Variants in NAALADL2 observed in about 807,000 individuals in gnomAD.
NAALADL2 encodes inactive N-acetylated-alpha-linked acidic dipeptidase-like protein 2.
A neutral mutation model predicts 87.2 loss-of-function variants in NAALADL2; 76 were observed. That is an observed-to-expected ratio of 0.87 (90% CI 0.72 to 1.05). The LOEUF is 1.05. Among genes scored for constraint, NAALADL2 ranks in the 50% least tolerant of loss-of-function variants. NAALADL2 has a pLI of 0.00. For missense variants in NAALADL2, 1,089 were observed against 945.8 expected (o/e 1.15, Z -1.99); for synonymous variants, 354 against 331.0 (o/e 1.07, Z -0.75).
intron 4 of NAALADL2, among the ~76,000 whole-genome samples, chr3:175,266,287 A>G (rs1276896426): frequency 6.6e-6 from 1 of 151,332 alleles, no homozygotes; most frequent in African/African-American, 2.4e-5. Context: ...CTAATATTTA[A>G]ATTTAAACAT....
At chr3:174,648,624 CTAGAT>C in intron 2 of NAALADL2, among the ~76,000 whole-genome samples, 1 of 152,104 alleles carries the variant, frequency 6.6e-6, no homozygotes, top group East Asian at 1.9e-4. Context: ...TAGAATAATA[CTAGAT>C]TAAACATTTA....
chr3:175,181,056 A>C (rs1736389942), intron 2 of NAALADL2, among the ~76,000 whole-genome samples: 1 of 152,008 alleles, frequency 6.6e-6, no homozygotes, highest in African/African-American at 2.4e-5. Flanking sequence ...ACTGTGTTTC[A>C]TACCTATGAC....
intron 2 of NAALADL2, among the ~76,000 whole-genome samples, chr3:174,566,693 C>T (rs946057930): frequency 2.0e-5 from 3 of 151,214 alleles, no homozygotes; most frequent in Non-Finnish European, 4.4e-5. Flanking sequence ...TACTTAATTT[C>T]TTCACTCTGT....
intron 5 of NAALADL2, among the ~76,000 whole-genome samples, chr3:175,418,835 A>G (rs1715143737): frequency 6.6e-6 from 1 of 152,110 alleles, no homozygotes; most frequent in Non-Finnish European, 1.5e-5. Flanking sequence ...GTTCTGCTTC[A>G]GGCACTCAAA....
chr3:175,376,521 T>C (rs944439977), intron 5 of NAALADL2, among the ~76,000 whole-genome samples: 1 of 152,144 alleles, frequency 6.6e-6, no homozygotes, highest in African/African-American at 2.4e-5. Flanking sequence ...AAAGCAACTG[T>C]TTTATTCAGG....
chr3:175,515,198 C>A (rs549842315), intron 9 of NAALADL2, among the ~76,000 whole-genome samples: 99 of 152,246 alleles, frequency 6.5e-4, no homozygotes, highest in South Asian at 4.4e-3. Context: ...AATGTTGCAA[C>A]AACTTGTTCC....
chr3:175,026,354 TA>T (rs1187169711), intron 1 of NAALADL2, among the ~76,000 whole-genome samples: 3 of 151,644 alleles, frequency 2.0e-5, no homozygotes, highest in African/African-American at 7.3e-5. Flanking sequence ...AAAATATATC[TA>T]AAAAGTTCAG....
intron 3 of NAALADL2, among the ~76,000 whole-genome samples, chr3:174,830,629 G>GT (rs966487121): frequency 6.6e-6 from 1 of 151,878 alleles, no homozygotes; most frequent in Non-Finnish European, 1.5e-5. Context: ...CTTTAAAGTA[G>GT]TTTTTTCTGT....
At chr3:175,017,005 C>T (rs918298358) in intron 1 of NAALADL2, among the ~76,000 whole-genome samples, 16 of 151,180 alleles carry the variant, frequency 1.1e-4, no homozygotes, top group East Asian at 3.8e-4. Context: ...TCAAACACTA[C>T]GTCTCATTTC....
At chr3:174,854,840 T>C (rs548015108), upstream of NAALADL2, among the ~76,000 whole-genome samples, 2,602 of 144,064 alleles carry the variant, frequency 0.018, 38 homozygotes, top group Non-Finnish European at 0.03. Context: ...TTTTTCTTTT[T>C]TTTTTTTTTT....
At chr3:174,819,285 G>T (rs116615426) in intron 3 of NAALADL2, among the ~76,000 whole-genome samples, 13,411 of 151,488 alleles carry the variant, frequency 0.089, 672 homozygotes, top group Middle Eastern at 0.12. Context: ...GGCTGGTTTT[G>T]AACTCCTGAG....
At chr3:175,068,636 G>T (rs2077420798) in intron 1 of NAALADL2, among the ~76,000 whole-genome samples, 1 of 151,956 alleles carries the variant, frequency 6.6e-6, no homozygotes, top group South Asian at 2.1e-4. Flanking sequence ...AGTTCACTTG[G>T]GAATAAAGTG....
intron 2 of NAALADL2, among the ~76,000 whole-genome samples, chr3:175,135,206 A>T (rs1728922839): frequency 6.6e-6 from 1 of 152,164 alleles, no homozygotes; most frequent in Admixed American, 6.5e-5. Flanking sequence ...ACTGGGAGGA[A>T]TGAGTTAATT....
intron 3 of NAALADL2, among the ~76,000 whole-genome samples, chr3:174,815,460 T>A (rs1161208054): frequency 6.6e-6 from 1 of 152,140 alleles, no homozygotes; most frequent in Non-Finnish European, 1.5e-5. Context: ...GGTCTTGCTG[T>A]CTCACCCAGG....
rs528779031 is a variant in NAALADL2 at position 174,608,351 on chromosome 3, C to A, written c.-115+57714C>A. Among the ~76,000 whole-genome samples, 8 of 152,008 alleles carry A rather than the reference C, an allele frequency of 5.3e-5. No individual in the cohort carries two copies. In the South Asian group the frequency reaches 1.7e-3, roughly 32 times the overall value. ...CTGAAGGAAATAGAGACACAAAAAA[C>A]CCTTCAAAAAATTAATGAATCCAGG... On this transcript the variant is annotated intron_variant, in intron 2 of 3. Coordinates refer to the NAALADL2 transcript ENST00000434257.
At chr3:174,925,502 T>C (rs1037107145) in intron 1 of NAALADL2, among the ~76,000 whole-genome samples, 6 of 152,246 alleles carry the variant, frequency 3.9e-5, no homozygotes, top group Admixed American at 1.3e-4. Flanking sequence ...AGTCAGGTAG[T>C]GTGATGCCTC....
chr3:174,996,592 A>G (rs1747498262), intron 1 of NAALADL2, among the ~76,000 whole-genome samples: 1 of 151,972 alleles, frequency 6.6e-6, no homozygotes, highest in Non-Finnish European at 1.5e-5. Flanking sequence ...CTTGAGTTGT[A>G]TGCCTACCAA....
intron 2 of NAALADL2, among the ~76,000 whole-genome samples, chr3:175,144,737 T>A (rs983031296): frequency 2.0e-5 from 3 of 151,982 alleles, no homozygotes; most frequent in Non-Finnish European, 4.4e-5. Context: ...TTTATTTTCC[T>A]CCTGTGCCAG....
intron 1 of NAALADL2, among the ~76,000 whole-genome samples, chr3:175,083,756 TGAATGA>T (rs2109264827): frequency 6.6e-6 from 1 of 152,340 alleles, no homozygotes; most frequent in African/African-American, 2.4e-5. Context: ...TTCTGAAGGC[TGAATGA>T]GTTAAAATAC....
Sources: allele counts gnomAD v4.1 joint callset (sites outside exome capture counted in the v4.1 genomes callset), GRCh38; gene constraint gnomAD v4.1.1; transcripts MANE v1.5; gene names NCBI Gene and HGNC (gene_info 2026-07-23, HGNC 2026-07-21).